The following IGFBPL1 variants were observed in gnomAD, a reference collection of about 807,000 sequenced individuals.
IGFBPL1 encodes the protein insulin like growth factor binding protein like 1.
Under a neutral mutation model 23.9 loss-of-function variants are expected in IGFBPL1, and 20 were observed. That is an observed-to-expected ratio of 0.84 (90% CI 0.59 to 1.22). IGFBPL1 has a LOEUF of 1.22. Ranked by LOEUF, IGFBPL1 falls within the 50% of genes most tolerant of loss-of-function variation. The pLI is 0.00. For missense variants in IGFBPL1, 436 were observed against 379.3 expected (o/e 1.15, Z -1.24); for synonymous variants, 184 against 171.8 (o/e 1.07, Z -0.56).
chr9:38,419,561 C>T (rs937791666), intron 1 of IGFBPL1, among the ~76,000 whole-genome samples: 1 of 152,140 alleles, frequency 6.6e-6, no homozygotes, highest in Admixed American at 6.5e-5. Context: ...TGCCAGGGCT[C>T]AATGCCCTGG....
At chr9:38,416,832 G>A (rs993209571) in intron 1 of IGFBPL1, among the ~76,000 whole-genome samples, 5 of 150,780 alleles carry the variant, frequency 3.3e-5, no homozygotes, top group African/African-American at 7.4e-5. Flanking sequence ...GCACTACCAC[G>A]CCCAGATAAT....
At chr9:38,422,655 G>A (rs566024610) in intron 1 of IGFBPL1, among the ~76,000 whole-genome samples, 1 of 152,308 alleles carries the variant, frequency 6.6e-6, no homozygotes, top group Non-Finnish European at 1.5e-5. Flanking sequence ...CAGCACAGAT[G>A]CACCCCCAGC....
chr9:38,414,716 C>T (rs1301681919), intron 1 of IGFBPL1, among the ~76,000 whole-genome samples: 3 of 152,188 alleles, frequency 2.0e-5, no homozygotes, highest in Admixed American at 6.5e-5. Context: ...ATTCAAGATG[C>T]CCATTTGCAT....
intron 4 of IGFBPL1, 121 bp downstream of exon 4, chr9:38,411,270 T>C: frequency 1.3e-6 from 1 of 785,202 alleles, no homozygotes; most frequent in East Asian, 2.6e-5. Flanking sequence ...ACTCTTCTTT[T>C]GCTCTTTCCC....
rs1821452304 is a variant in IGFBPL1, at chr9:38,407,963, A to C, written c.*1264T>G. 6.6e-6 allele frequency among the ~76,000 whole-genome samples: 1 copy of C among 151,730 alleles called. No homozygotes were observed. Among genetic ancestry groups the C allele is most frequent in the Admixed American group, 6.6e-5 (1 of 15,238 alleles). On this transcript the variant is annotated 3_prime_UTR_variant, in exon 5 of 5. Transcript: ENST00000377694. ...TCTTTTTTCATTAAAAAAGAAAAAA[A>C]AGAGAGCCTTACTCTTGGGTGAGGT...
At chr9:38,414,702 G>C (rs1321657730) in intron 1 of IGFBPL1, among the ~76,000 whole-genome samples, 1 of 152,158 alleles carries the variant, frequency 6.6e-6, no homozygotes, top group African/African-American at 2.4e-5. Context: ...ATCCCCTGCG[G>C]TCCATTCAAG....
rs1190196897 is a variant in IGFBPL1 at position 38,424,057 on chromosome 9, G to A, written c.368C>T (p.Pro123Leu). The change falls in exon 1 of 5, where the codon CCC becomes CTC. Residue 123 changes from proline to leucine, a missense_variant. Physicochemically the swap from Pro to Leu is moderately conservative, Grantham distance 98. Coordinates refer to ENST00000377694, the MANE Select transcript of IGFBPL1 (RefSeq NM_001007563.3). The part of the protein sequence containing the change: ...TVCGSDGRSY[P>L]SVCALRLRAR... ...GCGCAGGCGCAGCGCGCAGACGCTG[G>A]GGTACGAGCGACCGTCGGAGCCGCA... 5 of 1,400,794 alleles carry A rather than the reference G, an allele frequency of 3.6e-6. No homozygotes were observed. Among genetic ancestry groups the A allele is most frequent in the Non-Finnish European group, 4.6e-6 (5 of 1,083,862 alleles). 86.8% of individuals were successfully genotyped at this position (1,400,794 alleles called of 1,614,324 possible).
intron 4 of IGFBPL1, among the ~76,000 whole-genome samples, chr9:38,410,932 G>C (rs1341502035): frequency 6.6e-6 from 1 of 152,204 alleles, no homozygotes; most frequent in African/African-American, 2.4e-5. Flanking sequence ...GCTGAGGACA[G>C]GAAGGCAAGG....
At chr9:38,412,191 T>C (rs1199594814) in intron 3 of IGFBPL1, among the ~76,000 whole-genome samples, 4 of 152,174 alleles carry the variant, frequency 2.6e-5, no homozygotes, top group African/African-American at 9.7e-5. Flanking sequence ...CTTCCATCAA[T>C]TACAAATCAT....
chr9:38,419,789 T>C (rs1821649094), intron 1 of IGFBPL1, among the ~76,000 whole-genome samples: 1 of 152,176 alleles, frequency 6.6e-6, no homozygotes, highest in Admixed American at 6.5e-5. Flanking sequence ...TCAGAATGTA[T>C]CGAAGACCCA....
At chr9:38,418,938 A>G (rs1821636061) in intron 1 of IGFBPL1, among the ~76,000 whole-genome samples, 1 of 152,118 alleles carries the variant, frequency 6.6e-6, no homozygotes, top group East Asian at 1.9e-4. Flanking sequence ...GCAAGTTGCT[A>G]ATCATTTCCT....
At chr9:38,412,213 C>T (rs763746446) in intron 3 of IGFBPL1, among the ~76,000 whole-genome samples, 4 of 152,218 alleles carry the variant, frequency 2.6e-5, no homozygotes, top group Admixed American at 6.5e-5. Flanking sequence ...CTACCGACCA[C>T]GCGCTGGTGT....
rs1211319322 is a variant in IGFBPL1, at chr9:38,414,132, C to T, written c.532G>A (p.Val178Met). ...ATGACTGGGGTAGGCACAGCCCTCACTTCACAGGACAGGCCCACCTGCGCC... is the reference window on the plus strand; with the variant it reads ...ATGACTGGGGTAGGCACAGCCCTCATTTCACAGGACAGGCCCACCTGCGCC... ...TGAQVGLSCE[V>M]RAVPTPVITW... The change falls in exon 2 of 5, where the codon GTG (valine) becomes ATG (methionine). Residue 178 changes from valine (V) to methionine (M), a missense_variant. Transcript: ENST00000377694. 2 of 1,613,074 alleles carry T rather than the reference C, an allele frequency of 1.2e-6. No homozygotes were observed. Among genetic ancestry groups the T allele is most frequent in the Non-Finnish European group, 8.5e-7 (1 of 1,179,656 alleles).
intron 4 of IGFBPL1, 48 bp downstream of exon 4, chr9:38,411,343 A>T: frequency 6.6e-7 from 1 of 1,505,492 alleles, no homozygotes; most frequent in South Asian, 1.2e-5. Context: ...CACCTCAAAT[A>T]TCTCATAACA....
In IGFBPL1 at chr9:38,424,209, G is replaced by C. The variant is rs1386812531; in HGVS notation, c.216C>G (p.Ala72=). 4 of 1,175,680 alleles carry C rather than the reference G, an allele frequency of 3.4e-6. No individual in the cohort carries two copies. Among genetic ancestry groups the C allele is most frequent in the Non-Finnish European group, 4.2e-6 (4 of 953,184 alleles). The allele number at this position is 1,175,680 out of a possible 1,614,324, so 72.8% of individuals were successfully genotyped here. A position where few individuals can be genotyped will look rare whatever the true frequency, so the allele number is the denominator to read the frequency against. ...CGCGGCCCCCGCAGCTCGCGCCCTC[G>C]GCTCCCAGGCAGCGGGCGCAGCAGC... ...ECGCCARCLG[A]EGASCGGRAG... is the part of the protein sequence containing the mutation. Residue 72 remains alanine, a synonymous_variant, in exon 1 of 5, where the codon GCC becomes GCG. Transcript: ENST00000377694.
chr9:38,409,607 G>T (rs1207947037), intron 4 of IGFBPL1, among the ~76,000 whole-genome samples: 1 of 152,146 alleles, frequency 6.6e-6, no homozygotes, highest in East Asian at 1.9e-4. Context: ...TCCTTTTGAT[G>T]TATTCACAAC....
chr9:38,416,101 G>A (rs1490929572), intron 1 of IGFBPL1, among the ~76,000 whole-genome samples: 8 of 152,116 alleles, frequency 5.3e-5, no homozygotes, highest in Non-Finnish European at 8.8e-5. Flanking sequence ...ACATTGTCCC[G>A]CCAGCGCCTC....
intron 1 of IGFBPL1, among the ~76,000 whole-genome samples, chr9:38,415,994 T>A (rs1235130420): frequency 6.6e-6 from 1 of 152,270 alleles, no homozygotes; most frequent in South Asian, 2.1e-4. Flanking sequence ...ACCAAGATCC[T>A]AGATGTCTAA....
Position 38,408,055 on chromosome 9 carries a change from C to A in IGFBPL1, c.*1172G>T, listed in dbSNP as rs1371656911. Among the ~76,000 whole-genome samples the A allele has an allele frequency of 6.6e-6, 1 of 151,924 alleles. No homozygotes were observed. The highest frequency in any genetic ancestry group is 1.5e-5 in the Non-Finnish European group (1 of 67,984). Reference sequence around the variant, plus strand: ...TCCACAGTCTGGAGATAACACCTGACCCCTTTTTTTACAATTTGATCGTCA... The same window carrying A: ...TCCACAGTCTGGAGATAACACCTGAACCCTTTTTTTACAATTTGATCGTCA... On this transcript the variant is annotated 3_prime_UTR_variant, in exon 5 of 5. Coordinates refer to ENST00000377694, the MANE Select transcript of IGFBPL1 (RefSeq NM_001007563.3).
Sources: allele counts gnomAD v4.1 joint callset (sites outside exome capture counted in the v4.1 genomes callset), GRCh38; gene constraint gnomAD v4.1.1; transcripts MANE v1.5; gene names NCBI Gene and HGNC (gene_info 2026-07-23, HGNC 2026-07-21).